DLG2: variants seen among roughly 807,000 people sequenced by gnomAD.
The protein encoded by DLG2 is discs large MAGUK scaffold protein 2.
DLG2 carries 45 observed loss-of-function variants against 132.5 expected under a neutral mutation model. That is an observed-to-expected ratio of 0.34 (90% CI 0.27 to 0.44). The LOEUF (loss-of-function observed/expected upper bound fraction) is 0.44, where lower values mean the gene tolerates loss of function less well. Among genes scored for constraint, DLG2 ranks in the 20% least tolerant of loss-of-function variants. The pLI is 1.00. For synonymous variants in DLG2, 424 were observed against 419.6 expected (o/e 1.01, Z -0.13); for missense variants, 1,045 against 1,196.9 (o/e 0.87, Z 1.87).
intron 7 of DLG2, among the ~76,000 whole-genome samples, chr11:84,495,243 C>T (rs1312272005): frequency 1.3e-5 from 2 of 152,138 alleles, no homozygotes; most frequent in African/African-American, 4.8e-5. Flanking sequence ...GCCTCAAAGT[C>T]CTTGTGCTTT....
chr11:84,983,628 T>C (rs1235794698), intron 6 of DLG2, among the ~76,000 whole-genome samples: 1 of 152,170 alleles, frequency 6.6e-6, no homozygotes, highest in Admixed American at 6.5e-5. Flanking sequence ...TAACCAGCCA[T>C]GAATCCATAC....
intron 8 of DLG2, among the ~76,000 whole-genome samples, chr11:84,164,985 A>T (rs1408129606): frequency 1.3e-5 from 2 of 152,178 alleles, no homozygotes; most frequent in African/African-American, 4.8e-5. Context: ...TTGTATATGC[A>T]AAAGTAAAAC....
intron 6 of DLG2, among the ~76,000 whole-genome samples, chr11:84,792,309 T>C (rs556657941): frequency 4.6e-5 from 7 of 152,302 alleles, no homozygotes; most frequent in Admixed American, 3.9e-4. Flanking sequence ...ATGATATTCT[T>C]AACATATTGC....
intron 6 of DLG2, among the ~76,000 whole-genome samples, chr11:84,561,670 GA>G (rs1200329019): frequency 6.6e-6 from 1 of 152,100 alleles, no homozygotes; most frequent in Non-Finnish European, 1.5e-5. Context: ...TTGAGTGAAA[GA>G]AATTTGTTCT....
chr11:83,663,443 G>A (rs2074811672), intron 18 of DLG2, among the ~76,000 whole-genome samples: 1 of 152,152 alleles, frequency 6.6e-6, no homozygotes, highest in African/African-American at 2.4e-5. Flanking sequence ...CTATACATAG[G>A]CAAAGGACAT....
chr11:84,975,275 TAC>T (rs1397419358), intron 6 of DLG2, among the ~76,000 whole-genome samples: 3 of 152,208 alleles, frequency 2.0e-5, no homozygotes, highest in African/African-American at 7.2e-5. Context: ...GCTAATAATA[TAC>T]ACTTTCAAGA....
Position 83,893,561 on chromosome 11 carries a change from A to G in DLG2, c.1497-19073T>C, listed in dbSNP as rs574670943. Reference sequence around the variant, plus strand: ...CCTGAGATGCCTTCCCTGGTCTTCTAGCTAAAGGTGTTCCATTCCCATCCC... The same window carrying G: ...CCTGAGATGCCTTCCCTGGTCTTCTGGCTAAAGGTGTTCCATTCCCATCCC... On this transcript the variant is annotated intron_variant, in intron 15 of 27. Transcript: ENST00000376104. Among the ~76,000 whole-genome samples, 11 of 152,328 alleles carry G rather than the reference A, an allele frequency of 7.2e-5. No homozygotes were observed. In the South Asian group the frequency reaches 8.3e-4, roughly 11 times the overall value.
intron 6 of DLG2, among the ~76,000 whole-genome samples, chr11:84,930,685 C>T (rs192737180): frequency 1.3e-5 from 2 of 152,190 alleles, no homozygotes; most frequent in African/African-American, 2.4e-5. Flanking sequence ...CAGTGACTGC[C>T]CTTCCTTCTT....
At chr11:85,170,108 A>G (rs559680289) in intron 4 of DLG2, among the ~76,000 whole-genome samples, 1 of 152,356 alleles carries the variant, frequency 6.6e-6, no homozygotes, top group African/African-American at 2.4e-5. Flanking sequence ...TCATAAGGAA[A>G]TGAAGATCCA....
At chr11:84,360,719 C>G (rs1486305890) in intron 7 of DLG2, among the ~76,000 whole-genome samples, 2 of 151,714 alleles carry the variant, frequency 1.3e-5, no homozygotes, top group African/African-American at 4.8e-5. Context: ...CATGAACAGA[C>G]AGAGAGTCAG....
At chr11:83,574,251 A>G (rs1055627974) in intron 19 of DLG2, among the ~76,000 whole-genome samples, 8 of 152,134 alleles carry the variant, frequency 5.3e-5, no homozygotes, top group African/African-American at 1.7e-4. Context: ...AATAGCTGTT[A>G]TATCAGCATG....
intron 8 of DLG2, among the ~76,000 whole-genome samples, chr11:84,249,486 C>T (rs2097344587): frequency 1.3e-5 from 2 of 152,194 alleles, no homozygotes; most frequent in African/African-American, 2.4e-5. Flanking sequence ...GACTCTGCCT[C>T]TTACTGTGAG....
At chr11:85,505,345 T>C (rs1451901766) in intron 3 of DLG2, among the ~76,000 whole-genome samples, 1 of 152,178 alleles carries the variant, frequency 6.6e-6, no homozygotes, top group African/African-American at 2.4e-5. Flanking sequence ...TAGTATGATA[T>C]TGGCTGTGGG....
chr11:83,876,427 T>C (rs1443026349), intron 15 of DLG2, among the ~76,000 whole-genome samples: 1 of 152,078 alleles, frequency 6.6e-6, no homozygotes, highest in Non-Finnish European at 1.5e-5. Context: ...CAAATTAAAA[T>C]ATATTTTCTA....
chr11:84,325,554 A>T (rs2098426275), intron 7 of DLG2, among the ~76,000 whole-genome samples: 1 of 152,152 alleles, frequency 6.6e-6, no homozygotes, highest in African/African-American at 2.4e-5. Flanking sequence ...TATCCAATTG[A>T]TTAAATTTCG....
chr11:85,573,269 T>A (rs2077955421), intron 3 of DLG2, among the ~76,000 whole-genome samples: 3 of 152,156 alleles, frequency 2.0e-5, no homozygotes, highest in Non-Finnish European at 4.4e-5. Context: ...AATACAACCC[T>A]CCTTCCACCA....
At chr11:83,988,968 T>C (rs71465584) in intron 11 of DLG2, among the ~76,000 whole-genome samples, 3,369 of 152,232 alleles carry the variant, frequency 0.022, 67 homozygotes, top group Middle Eastern at 0.034. Context: ...ATGAATGGTT[T>C]TTTGGTCTAT....
chr11:84,851,933 T>G (rs1480255164), intron 6 of DLG2, among the ~76,000 whole-genome samples: 2 of 152,000 alleles, frequency 1.3e-5, no homozygotes, highest in African/African-American at 4.8e-5. Flanking sequence ...ATAAAAATAT[T>G]AATTAAATAA....
intron 7 of DLG2, chr11:84,437,907 C>CAGT (rs2099005811): frequency 6.6e-6 from 1 of 152,482 alleles, no homozygotes; most frequent in African/African-American, 2.4e-5. Flanking sequence ...TCTATCTTGA[C>CAGT]AGTACGTGCT....
Sources: gnomAD v4.1 joint callset for allele counts (sites outside exome capture counted in the v4.1 genomes callset) on GRCh38, gnomAD v4.1.1 for gene constraint, MANE v1.5 for transcripts, NCBI Gene and HGNC (gene_info 2026-07-23, HGNC 2026-07-21) for gene names.